Variants in TNIK observed in about 807,000 individuals in gnomAD.
The protein encoded by TNIK is TRAF2 and NCK interacting kinase.
A neutral mutation model predicts 191.3 loss-of-function variants in TNIK; 49 were observed. The ratio of observed to expected loss-of-function variants is 0.26; its 90% CI spans 0.20 to 0.32. TNIK has a LOEUF of 0.32. Ranked by LOEUF, TNIK falls within the 10% of genes least tolerant of loss-of-function variation. The probability of loss-of-function intolerance (pLI) is 1.00; values close to 1 mark genes in which losing one functional copy is unlikely to be tolerated. For synonymous variants in TNIK, 594 were observed against 600.9 expected (o/e 0.99, Z 0.17); for missense variants, 1,155 against 1,702.3 (o/e 0.68, Z 5.66).
chr3:171,180,392 T>G (rs1012211409), intron 7 of TNIK, among the ~76,000 whole-genome samples: 3 of 152,128 alleles, frequency 2.0e-5, no homozygotes, highest in African/African-American at 7.2e-5. Context: ...ATACGACATG[T>G]TTATTCATCA....
At chr3:171,154,048 G>C (rs980469251) in intron 12 of TNIK, among the ~76,000 whole-genome samples, 2 of 152,104 alleles carry the variant, frequency 1.3e-5, no homozygotes, top group African/African-American at 4.8e-5. Flanking sequence ...ATGACCTACA[G>C]ACCCCAGGAA....
At chr3:171,251,304 G>C (rs184075724) in intron 2 of TNIK, among the ~76,000 whole-genome samples, 54 of 152,322 alleles carry the variant, frequency 3.5e-4, no homozygotes, top group African/African-American at 1.2e-3. Context: ...AATTTAGAAT[G>C]TCAAGAGTCC....
chr3:171,105,353 C>T (rs1355375317), intron 21 of TNIK, among the ~76,000 whole-genome samples: 1 of 152,180 alleles, frequency 6.6e-6, no homozygotes, highest in Non-Finnish European at 1.5e-5. Context: ...CTGCTCTATC[C>T]ACAAGATGCC....
chr3:171,459,536 G>A (rs1281615332), intron 1 of TNIK, among the ~76,000 whole-genome samples: 1 of 152,160 alleles, frequency 6.6e-6, no homozygotes, highest in African/African-American at 2.4e-5. Flanking sequence ...GGCTTCGCGG[G>A]GACAGCCAGC....
chr3:171,458,308 C>T lies in TNIK; in HGVS notation c.57+1699G>A, dbSNP rs114021232. Among the ~76,000 whole-genome samples the T allele has an allele frequency of 3.9e-3, 587 of 152,298 alleles. 5 individuals are homozygous for T. Among genetic ancestry groups the T allele is most frequent in the African/African-American group, 0.013 (552 of 41,564 alleles). On this transcript the variant is annotated intron_variant, in intron 1 of 32. Coordinates refer to ENST00000436636, the MANE Select transcript of TNIK (RefSeq NM_015028.4). ...CAGGAAGCCACAGACCTGGCCAATG[C>T]ACCCACCCTGTTACCAACCCCACCC...
At chr3:171,072,325 G>C (rs1199513909) in intron 28 of TNIK, among the ~76,000 whole-genome samples, 1 of 152,058 alleles carries the variant, frequency 6.6e-6, no homozygotes, top group Non-Finnish European at 1.5e-5. Flanking sequence ...CCAGTTACTT[G>C]CTTTATAACT....
At chr3:171,079,789 A>G in intron 27 of TNIK, 137 bp from the exon 28 acceptor site, 1 of 1,073,344 alleles carries the variant, frequency 9.3e-7, no homozygotes, top group Middle Eastern at 3.2e-4. Flanking sequence ...CAGTGTCCCC[A>G]GCACTTTGTC....
chr3:171,279,135 GAA>G (rs78485143), intron 2 of TNIK, among the ~76,000 whole-genome samples: 1 of 146,608 alleles, frequency 6.8e-6, no homozygotes, highest in Non-Finnish European at 1.5e-5. Flanking sequence ...CTAGCAAAAA[GAA>G]AAAAAAAACC....
intron 2 of TNIK, among the ~76,000 whole-genome samples, chr3:171,291,921 T>C (rs911871187): frequency 2.4e-4 from 36 of 152,204 alleles, no homozygotes; most frequent in African/African-American, 7.5e-4. Context: ...TTTAAAATCC[T>C]TTATCTCCGT....
chr3:171,404,032 G>C (rs530249622), intron 1 of TNIK, among the ~76,000 whole-genome samples: 2 of 152,198 alleles, frequency 1.3e-5, no homozygotes, highest in Admixed American at 6.5e-5. Flanking sequence ...AGAGAAGTGG[G>C]AGAAGCATCT....
chr3:171,086,538 A>T (rs1721377479), intron 24 of TNIK, among the ~76,000 whole-genome samples: 1 of 152,194 alleles, frequency 6.6e-6, no homozygotes, highest in African/African-American at 2.4e-5. Context: ...GCAGTATATC[A>T]CTGTGTTCTT....
At chr3:171,337,030 A>T (rs1386277946) in intron 2 of TNIK, among the ~76,000 whole-genome samples, 1 of 152,158 alleles carries the variant, frequency 6.6e-6, no homozygotes, top group Non-Finnish European at 1.5e-5. Context: ...CACCTCTCTA[A>T]GCCAGTTTCA....
chr3:171,073,757 T>C (rs532142192), intron 28 of TNIK, among the ~76,000 whole-genome samples: 83 of 151,162 alleles, frequency 5.5e-4, no homozygotes, highest in African/African-American at 2.0e-3. Flanking sequence ...GAACAAATGC[T>C]CAATATCACT....
chr3:171,130,902 C>T (rs1729149757), intron 15 of TNIK, among the ~76,000 whole-genome samples: 1 of 152,078 alleles, frequency 6.6e-6, no homozygotes, highest in South Asian at 2.1e-4. Context: ...CATTAAGGGA[C>T]AGCACATTAA....
At chr3:171,069,291 T>C (rs1395001853) in intron 29 of TNIK, among the ~76,000 whole-genome samples, 1 of 152,206 alleles carries the variant, frequency 6.6e-6, no homozygotes, top group East Asian at 1.9e-4. Flanking sequence ...TGGGTATTGC[T>C]GTTTTTTCCT....
At position 171,162,859 on chromosome 3, in the gene TNIK, C is replaced by T. The variant is rs1577009550; in HGVS notation, c.950-1523G>A. On this transcript the variant is annotated intron_variant, in intron 10 of 32. Transcript: ENST00000436636. ...AACTTTTCCAACTTAAAAAATAGTG[C>T]TCTTTCCAACATATTATATGCTAAA... Among the ~76,000 whole-genome samples, 2 of 152,182 alleles carry T rather than the reference C, an allele frequency of 1.3e-5. 1 individual carries two copies. Among genetic ancestry groups the T allele is most frequent in the African/African-American group, 4.8e-5 (2 of 41,444 alleles).
intron 9 of TNIK, among the ~76,000 whole-genome samples, chr3:171,167,806 T>G (rs1181388816): frequency 6.6e-6 from 1 of 152,096 alleles, no homozygotes; most frequent in Admixed American, 6.5e-5. Context: ...TAACAGGGAG[T>G]GCATTTCGTA....
At chr3:171,119,244 T>C (rs1463344075) in intron 18 of TNIK, among the ~76,000 whole-genome samples, 1 of 152,122 alleles carries the variant, frequency 6.6e-6, no homozygotes, top group Non-Finnish European at 1.5e-5. Context: ...CACAATGAGA[T>C]ACCATCTCAC....
chr3:171,075,287 G>A (rs555211535), intron 28 of TNIK, among the ~76,000 whole-genome samples: 1 of 152,256 alleles, frequency 6.6e-6, no homozygotes, highest in East Asian at 1.9e-4. Flanking sequence ...GCTTTCCCCT[G>A]AAAACATGAC....
Sources: allele counts gnomAD v4.1 joint callset (sites outside exome capture counted in the v4.1 genomes callset), GRCh38; gene constraint gnomAD v4.1.1; transcripts MANE v1.5; gene names NCBI Gene and HGNC (gene_info 2026-07-23, HGNC 2026-07-21).